Variants in CPED1 observed in about 807,000 individuals in gnomAD.
CPED1 encodes the protein cadherin like and PC-esterase domain containing 1, also known as cadherin-like and PC-esterase domain-containing protein 1.
In CPED1, 114 loss-of-function variants were observed where a neutral mutation model predicts 128.2. That is an observed-to-expected ratio of 0.89 (90% CI 0.76 to 1.04). The LOEUF (loss-of-function observed/expected upper bound fraction) is 1.04. Among genes scored for constraint, CPED1 ranks in the 50% least tolerant of loss-of-function variants. The pLI, the probability that CPED1 is intolerant of heterozygous loss-of-function variation, is 0.00. For missense variants in CPED1, 1,211 were observed against 1,207.1 expected (o/e 1.00, Z -0.05); for synonymous variants, 462 against 426.7 (o/e 1.08, Z -1.02).
At chr7:121,059,074 C>T (rs1051139506) in intron 4 of CPED1, among the ~76,000 whole-genome samples, 1 of 152,106 alleles carries the variant, frequency 6.6e-6, no homozygotes, top group Non-Finnish European at 1.5e-5. Context: ...AAAAGTGAAG[C>T]GAGGTCCATT....
chr7:121,023,565 T>A (rs1162664008), intron 3 of CPED1, among the ~76,000 whole-genome samples: 1 of 152,134 alleles, frequency 6.6e-6, no homozygotes, highest in Non-Finnish European at 1.5e-5. Context: ...AAAATGTGAA[T>A]CTCTATCATT....
chr7:121,279,761 G>A (rs1053184685), intron 22 of CPED1, among the ~76,000 whole-genome samples: 2 of 152,092 alleles, frequency 1.3e-5, no homozygotes, highest in African/African-American at 4.8e-5. Context: ...CTTTTAAAAT[G>A]GAACTGCAGA....
chr7:121,069,145 G>A (rs555655876), intron 5 of CPED1, among the ~76,000 whole-genome samples: 1 of 152,048 alleles, frequency 6.6e-6, no homozygotes, highest in Non-Finnish European at 1.5e-5. Context: ...GAACAAATGT[G>A]GTCAGTGCCT....
chr7:121,268,646 G>GCA (rs10587644), intron 21 of CPED1, among the ~76,000 whole-genome samples: 8 of 151,460 alleles, frequency 5.3e-5, no homozygotes, highest in East Asian at 2.0e-4. Flanking sequence ...ACAAGTGTGT[G>GCA]CACACACACA....
chr7:121,064,307 T>C lies in CPED1; in HGVS notation c.610T>C (p.Phe204Leu). The change falls in exon 5 of 23, where the codon TTC becomes CTC. Residue 204 changes from phenylalanine (F) to leucine (L), a missense_variant. Transcript: ENST00000310396. ...KEGLCQIVRR[F>L]PELQLPVSPS... ...AGGATTATGTCAAATAGTTAGAAGATTCCCAGGTAATCTTTCGTTTGCTTC... is the reference window on the plus strand; with the variant it reads ...AGGATTATGTCAAATAGTTAGAAGACTCCCAGGTAATCTTTCGTTTGCTTC... 6.2e-7 allele frequency: 1 copy of C among 1,610,280 alleles called. No homozygotes were observed. The highest frequency in any genetic ancestry group is 2.2e-5 in the East Asian group (1 of 44,850).
intron 16 of CPED1, among the ~76,000 whole-genome samples, chr7:121,193,113 A>G (rs989263193): frequency 1.3e-5 from 2 of 152,128 alleles, no homozygotes; most frequent in African/African-American, 4.8e-5. Context: ...TAAGTTGACA[A>G]AGGGACTGAA....
intron 3 of CPED1, among the ~76,000 whole-genome samples, chr7:121,030,669 C>A (rs927324090): frequency 6.6e-6 from 1 of 152,216 alleles, no homozygotes; most frequent in East Asian, 1.9e-4. Context: ...TATAATTATT[C>A]TATTTTATTA....
chr7:121,078,441 G>A (rs1273053708), intron 5 of CPED1, among the ~76,000 whole-genome samples: 2 of 146,432 alleles, frequency 1.4e-5, no homozygotes, highest in African/African-American at 5.2e-5. Flanking sequence ...TTGTGGCCAG[G>A]AGTTTGAGAC....
intron 5 of CPED1, among the ~76,000 whole-genome samples, chr7:121,087,355 C>G (rs1794449977): frequency 6.6e-6 from 1 of 152,158 alleles, no homozygotes. Flanking sequence ...CCACTCTTCT[C>G]TCTCCAACAA....
intron 16 of CPED1, among the ~76,000 whole-genome samples, chr7:121,173,139 A>T (rs1432998194): frequency 3.3e-5 from 5 of 152,180 alleles, no homozygotes; most frequent in African/African-American, 1.2e-4. Flanking sequence ...ACTAAATTAT[A>T]ATTGTAACAA....
chr7:121,184,179 C>T lies in CPED1; in HGVS notation c.2055+42038C>T, dbSNP rs368111107. On this transcript the variant is annotated intron_variant, in intron 16 of 22. Coordinates refer to ENST00000310396, the MANE Select transcript of CPED1 (RefSeq NM_024913.5). ...TGTATTTTGTGTGATTCTTTTCTTT[C>T]AAAAGGAAGGAAGAAGAACCACAGT... Among the ~76,000 whole-genome samples the T allele has an allele frequency of 1.7e-3, 264 of 151,496 alleles. 2 individuals carry two copies. The highest frequency in any genetic ancestry group is 5.9e-3 in the African/African-American group (244 of 41,326).
intron 5 of CPED1, among the ~76,000 whole-genome samples, chr7:121,091,258 A>G (rs1001793401): frequency 6.6e-6 from 1 of 152,216 alleles, no homozygotes. Context: ...TAAAGAAGTG[A>G]AACAGAACAA....
Position 121,215,698 on chromosome 7 carries a change from G to T in CPED1, c.2056-21016G>T, listed in dbSNP as rs547927117. On this transcript the variant is annotated intron_variant, in intron 16 of 22. Transcript: ENST00000310396. ...TAGTCCAAATCTCTTCACAAAAAGT[G>T]TTAGTATGGGAGAATCCCACCTGAC... is the stretch of plus-strand genomic sequence containing the variant. 3.3e-4 allele frequency among the ~76,000 whole-genome samples: 50 copies of T among 152,126 alleles called. 3 individuals are homozygous for T. In the South Asian group the frequency reaches 9.8e-3, roughly 30 times the overall value.
At chr7:121,117,076 A>ATT (rs1440904092) in intron 7 of CPED1, among the ~76,000 whole-genome samples, 914 of 57,914 alleles carry the variant, frequency 0.016, 20 homozygotes, top group African/African-American at 0.051. Context: ...ATATATACAC[A>ATT]TTATATATAT....
At chr7:121,255,806 A>G (rs1791834401) in intron 18 of CPED1, among the ~76,000 whole-genome samples, 1 of 152,064 alleles carries the variant, frequency 6.6e-6, no homozygotes, top group South Asian at 2.1e-4. Flanking sequence ...AATCCCATTT[A>G]CAATAGCCAC....
intron 8 of CPED1, among the ~76,000 whole-genome samples, chr7:121,125,139 G>T (rs1003689563): frequency 6.6e-6 from 1 of 151,774 alleles, no homozygotes; most frequent in African/African-American, 2.4e-5. Flanking sequence ...TTTTCTATAA[G>T]AAATAAAACA....
chr7:121,263,314 C>A (rs116899926), intron 18 of CPED1, among the ~76,000 whole-genome samples: 1 of 152,202 alleles, frequency 6.6e-6, no homozygotes, highest in East Asian at 1.9e-4. Flanking sequence ...AGAGAAATAG[C>A]TGTGACTTAG....
intron 16 of CPED1, among the ~76,000 whole-genome samples, chr7:121,151,256 C>A (rs895800174): frequency 6.6e-6 from 1 of 152,078 alleles, no homozygotes; most frequent in Non-Finnish European, 1.5e-5. Flanking sequence ...TGCCCAATGC[C>A]GTATACAATG....
intron 2 of CPED1, among the ~76,000 whole-genome samples, chr7:121,006,919 G>A (rs1792030070): frequency 6.6e-6 from 1 of 152,134 alleles, no homozygotes; most frequent in African/African-American, 2.4e-5. Context: ...GCAGAAAAGG[G>A]AAAGAGTATA....
Sources: allele counts gnomAD v4.1 joint callset (sites outside exome capture counted in the v4.1 genomes callset), GRCh38; gene constraint gnomAD v4.1.1; transcripts MANE v1.5; gene names NCBI Gene and HGNC (gene_info 2026-07-23, HGNC 2026-07-21).